The following OXR1 variants were observed in gnomAD, a reference collection of about 807,000 sequenced individuals.
The protein encoded by OXR1 is oxidation resistance 1, also known as oxidation resistance protein 1.
A neutral mutation model predicts 104.6 loss-of-function variants in OXR1; 41 were observed. The observed-to-expected ratio is 0.39, with a 90% CI of 0.31 to 0.51. The LOEUF (loss-of-function observed/expected upper bound fraction) is 0.51, where lower values mean the gene tolerates loss of function less well. Ranked by LOEUF, OXR1 falls within the 20% of genes least tolerant of loss-of-function variation. OXR1 has a pLI of 0.77. For missense variants in OXR1, 955 were observed against 1,031.9 expected (o/e 0.93, Z 1.02); for synonymous variants, 348 against 348.4 (o/e 1.00, Z 0.01).
intron 2 of OXR1, among the ~76,000 whole-genome samples, chr8:106,463,865 A>C (rs1821038080): frequency 6.6e-6 from 1 of 152,122 alleles, no homozygotes; most frequent in Non-Finnish European, 1.5e-5. Flanking sequence ...CCTGATTTAG[A>C]AATAGGAAAA....
chr8:106,519,168 A>G, intron 3 of OXR1, 29 bp downstream of exon 3: 1 of 1,463,530 alleles, frequency 6.8e-7, no homozygotes, highest in Non-Finnish European at 9.3e-7. Context: ...ATGCAAGTGA[A>G]TAGATGAAAT....
Position 106,390,636 on chromosome 8 carries a change from G to A in OXR1, c.23+31000G>A, listed in dbSNP as rs73305176. ...AGTATTGCACATACAGTATCATTAC[G>A]TTACTATTCTGCAGAATTTTAAAAA... On this transcript the variant is annotated intron_variant, in intron 2 of 16. Transcript: ENST00000517566. 3.4e-3 allele frequency among the ~76,000 whole-genome samples: 516 copies of A among 152,206 alleles called. 6 individuals carry two copies. Among genetic ancestry groups the A allele is most frequent in the African/African-American group, 0.012 (501 of 41,518 alleles).
intron 2 of OXR1, among the ~76,000 whole-genome samples, chr8:106,517,054 T>C (rs917960395): frequency 8.5e-5 from 13 of 152,144 alleles, no homozygotes; most frequent in Admixed American, 7.2e-4. Flanking sequence ...AAATGTTTTA[T>C]TGAAAGTATA....
chr8:106,478,176 T>G (rs1227188204), intron 2 of OXR1, among the ~76,000 whole-genome samples: 1 of 151,934 alleles, frequency 6.6e-6, no homozygotes, highest in African/African-American at 2.4e-5. Flanking sequence ...GAGAATAGTT[T>G]ATTATCAGTG....
intron 1 of OXR1, among the ~76,000 whole-genome samples, chr8:106,339,519 A>AAAATATATATATAT (rs869120573): frequency 3.0e-5 from 1 of 33,358 alleles, no homozygotes; most frequent in East Asian, 1.8e-3. Context: ...AAAAAAAAAA[A>AAAATATATATATAT]ATATATATAT....
At chr8:106,664,835 G>GTA (rs1826113622) in intron 3 of OXR1, among the ~76,000 whole-genome samples, 1 of 152,128 alleles carries the variant, frequency 6.6e-6, no homozygotes, top group South Asian at 2.1e-4. Context: ...ATGCAGTTTA[G>GTA]TATAGTAAGT....
At chr8:106,663,035 A>G (rs1044830317) in intron 3 of OXR1, among the ~76,000 whole-genome samples, 3 of 152,202 alleles carry the variant, frequency 2.0e-5, no homozygotes, top group Non-Finnish European at 4.4e-5. Flanking sequence ...AGTAATGCAC[A>G]TATTCCAAAT....
At chr8:106,634,131 A>G (rs904796592) in intron 3 of OXR1, among the ~76,000 whole-genome samples, 3 of 152,220 alleles carry the variant, frequency 2.0e-5, no homozygotes, top group Non-Finnish European at 2.9e-5. Flanking sequence ...ACTTACTTGA[A>G]TGCGTTAACA....
intron 16 of OXR1, among the ~76,000 whole-genome samples, chr8:106,748,615 C>T (rs919254834): frequency 8.6e-6 from 1 of 115,656 alleles, no homozygotes; most frequent in East Asian, 2.8e-4. Context: ...GTCGCCCAGG[C>T]TGGAGTGCAA....
intron 2 of OXR1, among the ~76,000 whole-genome samples, chr8:106,459,821 G>C (rs1033234796): frequency 2.0e-5 from 3 of 152,018 alleles, no homozygotes; most frequent in Non-Finnish European, 1.5e-5. Flanking sequence ...CACTAATTTC[G>C]TAAAAGACAC....
chr8:106,748,923 A>G (rs1835637712), intron 16 of OXR1, among the ~76,000 whole-genome samples: 5 of 152,142 alleles, frequency 3.3e-5, no homozygotes. Context: ...TTCTCTACTT[A>G]GAAACACATC....
intron 1 of OXR1, among the ~76,000 whole-genome samples, chr8:106,300,573 T>C (rs1038618148): frequency 1.3e-5 from 2 of 152,014 alleles, no homozygotes; most frequent in Admixed American, 6.6e-5. Context: ...ATTTGCAACA[T>C]GAAATGCACC....
chr8:106,537,746 A>T (rs1814652638), intron 3 of OXR1, among the ~76,000 whole-genome samples: 1 of 152,190 alleles, frequency 6.6e-6, no homozygotes, highest in Admixed American at 6.5e-5. Context: ...TTCTACAGTG[A>T]AGATAATGAA....
chr8:106,382,135 G>T (rs759564447), intron 2 of OXR1, among the ~76,000 whole-genome samples: 10 of 152,114 alleles, frequency 6.6e-5, no homozygotes, highest in Non-Finnish European at 1.2e-4. Flanking sequence ...TTTAAGTCCT[G>T]GCTCTGCAGC....
rs570806449 is a variant in OXR1 at position 106,573,129 on chromosome 8, A to G, written c.220+53990A>G. 1.4e-4 allele frequency among the ~76,000 whole-genome samples: 21 copies of G among 152,222 alleles called. No homozygotes were observed. The East Asian group carries it at 2.7e-3, about 20-fold the overall frequency. On this transcript the variant is annotated intron_variant, in intron 3 of 16. Transcript: ENST00000517566. ...GGCAAGAGGGGTTCCCTTTTACTAA[A>G]TCTTTTTGTTGTATTCAAGTCCTCA...
At chr8:106,511,454 C>T (rs1260681623) in intron 2 of OXR1, among the ~76,000 whole-genome samples, 1 of 152,122 alleles carries the variant, frequency 6.6e-6, no homozygotes, top group Admixed American at 6.5e-5. Context: ...GGTCTTCTTG[C>T]TGGAAATTAC....
intron 1 of OXR1, among the ~76,000 whole-genome samples, chr8:106,320,064 A>T (rs1295294330): frequency 1.3e-5 from 2 of 152,198 alleles, no homozygotes; most frequent in Non-Finnish European, 2.9e-5. Context: ...GAGCAGTGGT[A>T]ACTATGATTG....
chr8:106,622,617 C>T (rs1397006921), intron 3 of OXR1, among the ~76,000 whole-genome samples: 3 of 152,098 alleles, frequency 2.0e-5, no homozygotes. Flanking sequence ...ACCTTGAAGG[C>T]TCTCCTCCTA....
chr8:106,310,374 C>G (rs1304308894), intron 1 of OXR1, among the ~76,000 whole-genome samples: 4 of 151,984 alleles, frequency 2.6e-5, no homozygotes, highest in Non-Finnish European at 4.4e-5. Flanking sequence ...ACAGTTGTTT[C>G]CTGGTTGTCT....
Sources: allele counts gnomAD v4.1 joint callset (sites outside exome capture counted in the v4.1 genomes callset), GRCh38; gene constraint gnomAD v4.1.1; transcripts MANE v1.5; gene names NCBI Gene and HGNC (gene_info 2026-07-23, HGNC 2026-07-21).